ZFHX3: variants seen among roughly 807,000 people sequenced by gnomAD.
The protein encoded by ZFHX3 is zinc finger homeobox protein 3.
Under a neutral mutation model 279.1 loss-of-function variants are expected in ZFHX3, and 42 were observed. The ratio of observed to expected loss-of-function variants is 0.15; its 90% confidence interval spans 0.12 to 0.19. ZFHX3 has a LOEUF of 0.19. ZFHX3 is among the 10% of genes least tolerant of loss of function. ZFHX3 has a pLI of 1.00. For synonymous variants in ZFHX3, 2,293 were observed against 1,957.8 expected, an observed-to-expected ratio of 1.17 and a Z score of -4.52; for missense variants, 4,981 against 4,754.0, an observed-to-expected ratio of 1.05 and a Z score of -1.40.
rs373669315 is a variant in ZFHX3 at position 73,138,590 on chromosome 16, C to G, written c.-1024+5162G>C. On this transcript the variant is annotated intron_variant, in intron 6 of 17. Transcript: ENST00000641206. ...TTCCCCTTCTCTTACCCTCCACTCCCCATGGATGAGTGGATGTCTTCCTGC... is the reference window on the plus strand; with the variant it reads ...TTCCCCTTCTCTTACCCTCCACTCCGCATGGATGAGTGGATGTCTTCCTGC... Among the ~76,000 whole-genome samples, 18 of 152,298 alleles carry G rather than the reference C, an allele frequency of 1.2e-4. No homozygotes were observed. The South Asian group carries it at 3.7e-3, about 32-fold the overall frequency.
intron 3 of ZFHX3, chr16:73,420,366 T>C (rs1008362345): frequency 2.0e-5 from 3 of 152,206 alleles, no homozygotes; most frequent in Non-Finnish European, 4.4e-5. Context: ...ATTTCAGTGG[T>C]TCTGAGCTGG....
chr16:73,481,483 G>T (rs1289302055), intron 2 of ZFHX3, among the ~76,000 whole-genome samples: 2 of 152,074 alleles, frequency 1.3e-5, no homozygotes, highest in East Asian at 1.9e-4. Context: ...TGCTCAGGTG[G>T]AGTGCAGTGC....
At chr16:73,077,518 C>T (rs1005439663) in intron 8 of ZFHX3, among the ~76,000 whole-genome samples, 1 of 151,698 alleles carries the variant, frequency 6.6e-6, no homozygotes, top group Admixed American at 6.6e-5. Flanking sequence ...CAACAGCTTC[C>T]CTTATAAACA....
chr16:73,222,864 A>G (rs2012466763), intron 5 of ZFHX3, among the ~76,000 whole-genome samples: 1 of 152,182 alleles, frequency 6.6e-6, no homozygotes, highest in South Asian at 2.1e-4. Context: ...TTGGGTAAAA[A>G]GATAGACAAA....
intron 4 of ZFHX3, among the ~76,000 whole-genome samples, chr16:73,288,049 C>T (rs1208784317): frequency 6.6e-6 from 1 of 152,060 alleles, no homozygotes; most frequent in Non-Finnish European, 1.5e-5. Flanking sequence ...GATGGACTGC[C>T]TGTGCCCCCA....
chr16:72,908,333 C>G (rs995957042), intron 3 of ZFHX3, among the ~76,000 whole-genome samples: 9 of 152,180 alleles, frequency 5.9e-5, no homozygotes, highest in Non-Finnish European at 1.2e-4. Flanking sequence ...GGCCACCTAC[C>G]TCACCAGGGG....
chr16:73,156,128 A>C (rs753417879), intron 5 of ZFHX3, among the ~76,000 whole-genome samples: 3 of 147,178 alleles, frequency 2.0e-5, no homozygotes, highest in Non-Finnish European at 4.5e-5. Flanking sequence ...GCTACTTGGG[A>C]GGCTGAGGCA....
chr16:73,340,660 G>C (rs917267055), intron 3 of ZFHX3, among the ~76,000 whole-genome samples: 4 of 152,204 alleles, frequency 2.6e-5, no homozygotes, highest in Admixed American at 2.6e-4. Flanking sequence ...ATAGGCGTGA[G>C]CCACCGTGCC....
chr16:72,921,927 C>A (rs1384648903), intron 3 of ZFHX3, among the ~76,000 whole-genome samples: 4 of 152,212 alleles, frequency 2.6e-5, no homozygotes, highest in African/African-American at 7.2e-5. Context: ...CGAAAGCAGG[C>A]CTGCCTCCCA....
At chr16:73,652,123 T>C (rs928050738) in intron 2 of ZFHX3, among the ~76,000 whole-genome samples, 2 of 152,114 alleles carry the variant, frequency 1.3e-5, no homozygotes, top group East Asian at 1.9e-4. Context: ...GTATTACTTA[T>C]GTAATTGAGT....
intron 5 of ZFHX3, among the ~76,000 whole-genome samples, chr16:73,238,733 C>T (rs2013029205): frequency 6.6e-6 from 1 of 152,138 alleles, no homozygotes. Context: ...CTGCCTCTCC[C>T]TCGCCTGCTC....
At chr16:73,208,716 A>T (rs1170130549) in intron 5 of ZFHX3, among the ~76,000 whole-genome samples, 1 of 152,212 alleles carries the variant, frequency 6.6e-6, no homozygotes, top group Non-Finnish European at 1.5e-5. Context: ...GGTTGGTAGG[A>T]TTAGAGATGC....
Position 72,798,369 on chromosome 16 carries a change from A to C in ZFHX3, c.4313T>G (p.Phe1438Cys). 6.2e-7 allele frequency: 1 copy of C among 1,614,206 alleles called. No homozygotes were observed. Among genetic ancestry groups the C allele is most frequent in the Non-Finnish European group, 8.5e-7 (1 of 1,180,024 alleles). The change falls in exon 9 of 10, where the codon TTC becomes TGC. Residue 1438 changes from phenylalanine (F) to cysteine (C), a missense_variant. This residue lies in a region of ZFHX3 where 1,751 missense variants were observed against 1,770.0 expected (regional missense o/e 0.99). Coordinates refer to ENST00000268489, the MANE Select transcript of ZFHX3 (RefSeq NM_006885.4). ...CTTCTTCAGAGCCTGGAAAGTTCGGAAACTGCGCTGACAAAGACAGCACAT... is the reference window on the plus strand; with the variant it reads ...CTTCTTCAGAGCCTGGAAAGTTCGGCAACTGCGCTGACAAAGACAGCACAT... ...ATMCCLCQRS[F>C]RTFQALKKHL...
chr16:72,960,061 T>G lies in ZFHX3; in HGVS notation c.85A>C (p.Ser29Arg). Residue 29 changes from serine (S) to arginine (R), a missense_variant, in exon 2 of 10, where the codon AGC becomes CGC. Around this residue, in one of 7 missense-constraint regions of ZFHX3, gnomAD observed 1,068 missense variants for 935.2 expected, o/e 1.14. Transcript: ENST00000268489. Reference protein sequence around the residue: ...PQHQQWTELNSTHLPDKPSSM... With the variant: ...PQHQQWTELNRTHLPDKPSSM... Reference sequence around the variant, plus strand: ...CTGGGTTTGTCAGGGAGGTGGGTGCTGTTGAGTTCAGTCCATTGCTGGTGC... The same window carrying G: ...CTGGGTTTGTCAGGGAGGTGGGTGCGGTTGAGTTCAGTCCATTGCTGGTGC... 1 of 1,613,924 alleles carries G rather than the reference T, an allele frequency of 6.2e-7. No homozygotes were observed. Among genetic ancestry groups the G allele is most frequent in the East Asian group, 2.2e-5 (1 of 44,838 alleles).
At chr16:72,913,282 T>C (rs1439297521) in intron 3 of ZFHX3, among the ~76,000 whole-genome samples, 2 of 152,204 alleles carry the variant, frequency 1.3e-5, no homozygotes, top group Non-Finnish European at 2.9e-5. Flanking sequence ...ACTCAAGGCC[T>C]TTCTCTGGTC....
intron 1 of ZFHX3, among the ~76,000 whole-genome samples, chr16:73,712,443 G>C (rs1467144126): frequency 1.3e-5 from 2 of 152,170 alleles, no homozygotes; most frequent in African/African-American, 4.8e-5. Context: ...CCCTGCCCAG[G>C]TTGCAGGCTA....
intron 5 of ZFHX3, among the ~76,000 whole-genome samples, chr16:73,243,482 G>C (rs1262022189): frequency 6.6e-6 from 1 of 152,188 alleles, no homozygotes; most frequent in African/African-American, 2.4e-5. Flanking sequence ...CCTTGTGAAA[G>C]ATCTGTACCT....
chr16:73,821,830 T>C (rs1051750133), intron 1 of ZFHX3, among the ~76,000 whole-genome samples: 8 of 152,198 alleles, frequency 5.3e-5, no homozygotes, highest in African/African-American at 1.4e-4. Flanking sequence ...GATGCTGTAG[T>C]GTGAAATGCA....
At chr16:73,447,953 G>C (rs1049718786) in intron 3 of ZFHX3, among the ~76,000 whole-genome samples, 6 of 152,332 alleles carry the variant, frequency 3.9e-5, no homozygotes, top group African/African-American at 1.4e-4. Context: ...AGGTAAAGGA[G>C]TTGGTCAAAC....
Sources: gnomAD v4.1 joint callset for allele counts (sites outside exome capture counted in the v4.1 genomes callset) on GRCh38, gnomAD v4.1.1 for gene constraint, gnomAD v4.1.1 regional missense constraint, MANE v1.5 for transcripts, NCBI Gene and HGNC (gene_info 2026-07-23, HGNC 2026-07-21) for gene names.